The following ZNF891 variants were observed in gnomAD, a reference collection of about 807,000 sequenced individuals.
The protein encoded by ZNF891 is zinc finger protein 891.
For missense variants in ZNF891, 589 were observed against 632.7 expected, an observed-to-expected ratio of 0.93 and a Z score of 0.74; for synonymous variants, 199 against 209.0, an observed-to-expected ratio of 0.95 and a Z score of 0.41.
At position 133,113,956 on chromosome 12, in the gene ZNF891, A is replaced by G. The variant is rs1955701497; in HGVS notation, c.*6328T>C. On this transcript the variant is annotated 3_prime_UTR_variant, in exon 2 of 2. Coordinates refer to ENST00000537226, the MANE Select transcript of ZNF891 (RefSeq NM_001277291.2). ...TGGTTTCAAACTCCTGGGCTCAAGCAATCTACTCACCTCAGCCTCTCAAAG... is the reference window on the plus strand; with the variant it reads ...TGGTTTCAAACTCCTGGGCTCAAGCGATCTACTCACCTCAGCCTCTCAAAG... The G allele has an allele frequency of 6.6e-6, 1 of 151,904 alleles. No individual in the cohort carries two copies. The highest frequency in any genetic ancestry group is 1.5e-5 in the Non-Finnish European group (1 of 68,000). 9.4% of individuals were successfully genotyped at this position (151,904 alleles called of 1,614,324 possible). A position where few individuals can be genotyped will look rare whatever the true frequency, so the allele number is the denominator to read the frequency against.
At position 133,106,786 on chromosome 12, in the gene ZNF891, T is replaced by C; in HGVS notation, c.*13498A>G. The C allele has an allele frequency of 1.3e-6, 1 of 746,978 alleles. No homozygotes were observed. The highest frequency in any genetic ancestry group is 2.0e-6 in the Non-Finnish European group (1 of 507,858). The allele number at this position is 746,978 out of a possible 1,614,324, so 46.3% of individuals were successfully genotyped here. On this transcript the variant is annotated 3_prime_UTR_variant, in exon 2 of 2. Transcript: ENST00000537226. Reference sequence around the variant, plus strand: ...TGAAGTAATATGGCCCACACTTTATTCACCACCCTGGAGAAAAAAAAACCC... The same window carrying C: ...TGAAGTAATATGGCCCACACTTTATCCACCACCCTGGAGAAAAAAAAACCC...
At position 133,113,452 on chromosome 12, in the gene ZNF891, T is replaced by C. The variant is rs927578717; in HGVS notation, c.*6832A>G. ...AAAGTCATACCATATTTTGTGACTG[T>C]TTAAAATTCATAATGTATCAAATAT... On this transcript the variant is annotated 3_prime_UTR_variant, in exon 2 of 2. Transcript: ENST00000537226. The C allele has an allele frequency of 6.6e-6, 1 of 152,290 alleles. No homozygotes were observed. Among genetic ancestry groups the C allele is most frequent in the African/African-American group, 2.4e-5 (1 of 41,560 alleles). 9.4% of individuals were successfully genotyped at this position (152,290 alleles called of 1,614,324 possible). A position where few individuals can be genotyped will look rare whatever the true frequency, so the allele number is the denominator to read the frequency against.
chr12:133,121,950 AGAG>A lies in ZNF891; in HGVS notation c.-35_-33del. 6.7e-7 allele frequency: 1 copy of A among 1,490,690 alleles called. No homozygotes were observed. Among genetic ancestry groups the A allele is most frequent in the Non-Finnish European group, 8.9e-7 (1 of 1,123,734 alleles). 92.3% of individuals were successfully genotyped at this position (1,490,690 alleles called of 1,614,324 possible). ...AGTACATAAGCCTGCACAGTAGAGTAGAGAGATCAGGATGTTTCTGTTCTTGTG... is the reference window on the plus strand; with the variant it reads ...AGTACATAAGCCTGCACAGTAGAGTAAGATCAGGATGTTTCTGTTCTTGTG... On this transcript the variant is annotated 5_prime_UTR_variant, in exon 2 of 2. Transcript: ENST00000537226.
Position 133,110,455 on chromosome 12 carries a change from G to A in ZNF891, c.*9829C>T, listed in dbSNP as rs1187687815. On this transcript the variant is annotated 3_prime_UTR_variant, in exon 2 of 2. Transcript: ENST00000537226. ...ATTGGAAAAAGAAGTTACTATGAAT[G>A]CAGAAAGGCGACAGAACAACAGATG... 3.9e-5 allele frequency: 6 copies of A among 152,160 alleles called. No homozygotes were observed. The highest frequency in any genetic ancestry group is 3.9e-4 in the Admixed American group (6 of 15,280). The allele number at this position is 152,160 out of a possible 1,614,324, so 9.4% of individuals were successfully genotyped here.
chr12:133,120,089 C>T lies in ZNF891; in HGVS notation c.*195G>A, dbSNP rs556184667. 34 of 472,932 alleles carry T rather than the reference C, an allele frequency of 7.2e-5. No homozygotes were observed. Among genetic ancestry groups the T allele is most frequent in the Non-Finnish European group, 1.2e-4 (32 of 270,944 alleles). The allele number at this position is 472,932 out of a possible 1,614,324, so 29.3% of individuals were successfully genotyped here. Reference sequence around the variant, plus strand: ...AAAAAGATAACTGAAAATATACCTACCTCACATATTAAAAATACCTAATTC... The same window carrying T: ...AAAAAGATAACTGAAAATATACCTATCTCACATATTAAAAATACCTAATTC... On this transcript the variant is annotated 3_prime_UTR_variant, in exon 2 of 2. Transcript: ENST00000537226.
In ZNF891 at chr12:133,106,388, T is replaced by C; in HGVS notation, c.*13896A>G. 6.2e-7 allele frequency: 1 copy of C among 1,614,136 alleles called. No individual in the cohort carries two copies. ...TGGTAAAGTTTTCACTTGGCATGCATCCCTTATTCAACATACGAAGAGTCA... is the reference window on the plus strand; with the variant it reads ...TGGTAAAGTTTTCACTTGGCATGCACCCCTTATTCAACATACGAAGAGTCA... On this transcript the variant is annotated 3_prime_UTR_variant, in exon 2 of 2. Transcript: ENST00000537226.
intron 1 of ZNF891, among the ~76,000 whole-genome samples, chr12:133,124,986 C>T (rs1955800583): frequency 6.6e-6 from 1 of 151,796 alleles, no homozygotes. Flanking sequence ...AAAGCAACAA[C>T]AGCATATTCA....
chr12:133,120,886 C>T lies in ZNF891; in HGVS notation c.1033G>A (p.Glu345Lys), dbSNP rs1955751008. 6.5e-7 allele frequency: 1 copy of T among 1,540,376 alleles called. No homozygotes were observed. The highest frequency in any genetic ancestry group is 8.7e-7 in the Non-Finnish European group (1 of 1,147,140). The change falls in exon 2 of 2, where the codon GAG (glutamate) becomes AAG (lysine). Residue 345 changes from glutamate to lysine, a missense_variant. Physicochemically the swap from Glu to Lys is moderately conservative, Grantham distance 56 (BLOSUM62 1). Coordinates refer to ENST00000537226, the MANE Select transcript of ZNF891 (RefSeq NM_001277291.2). ...CATTCTTTACATTCATATTGTTTCT[C>T]ACCCATGTGACTTTTCTTGTATAAA... The part of the protein sequence containing the change: ...LTLYKKSHMG[E>K]KQYECKECGK...
At position 133,107,405 on chromosome 12, in the gene ZNF891, A is replaced by G. The variant is rs1304035462; in HGVS notation, c.*12879T>C. ...TAAGTGAATTCAGAAAATGTTATAAATAAATCTTTTGGTTTATTATAAACC... is the reference window on the plus strand; with the variant it reads ...TAAGTGAATTCAGAAAATGTTATAAGTAAATCTTTTGGTTTATTATAAACC... On this transcript the variant is annotated 3_prime_UTR_variant, in exon 2 of 2. Transcript: ENST00000537226. The G allele has an allele frequency of 6.6e-6, 1 of 152,026 alleles. No individual in the cohort carries two copies. The highest frequency in any genetic ancestry group is 2.4e-5 in the African/African-American group (1 of 41,264). 9.4% of individuals were successfully genotyped at this position (152,026 alleles called of 1,614,324 possible).
rs1356935422 is a variant in ZNF891, at chr12:133,110,575, A to G, written c.*9709T>C. ...TCAAATGCTTTGGGAGACTTAAGATACTCACAAATAGGTAAAGCTGGGTTA... is the reference window on the plus strand; with the variant it reads ...TCAAATGCTTTGGGAGACTTAAGATGCTCACAAATAGGTAAAGCTGGGTTA... On this transcript the variant is annotated 3_prime_UTR_variant, in exon 2 of 2. Coordinates refer to ENST00000537226, the MANE Select transcript of ZNF891 (RefSeq NM_001277291.2). 6.6e-6 allele frequency: 1 copy of G among 152,202 alleles called. No individual in the cohort carries two copies. Among genetic ancestry groups the G allele is most frequent in the African/African-American group, 2.4e-5 (1 of 41,442 alleles). The allele number at this position is 152,202 out of a possible 1,614,324, so 9.4% of individuals were successfully genotyped here.
Position 133,121,660 on chromosome 12 carries a change from A to T in ZNF891, c.259T>A (p.Tyr87Asn), listed in dbSNP as rs1955762298. The T allele has an allele frequency of 1.3e-6, 2 of 1,536,454 alleles. No homozygotes were observed. The highest frequency in any genetic ancestry group is 4.9e-5 in the East Asian group (2 of 40,910). The change falls in exon 2 of 2, where the codon TAC becomes AAC. Residue 87 changes from tyrosine (Y) to asparagine (N), a missense_variant. Physicochemically the swap from Tyr to Asn is moderately radical, Grantham distance 143. Coordinates refer to ENST00000537226, the MANE Select transcript of ZNF891 (RefSeq NM_001277291.2). ...AATGGGGAGATCACAGTAAGCCTGT[A>T]CAACTGATATTCCACGGAGGTGAGA... ...RNLTSVEYQL[Y>N]RLTVISPLDQ...
intron 1 of ZNF891, 185 bp from the exon 2 acceptor site, chr12:133,122,209 G>C: frequency 9.3e-7 from 1 of 1,075,128 alleles, no homozygotes; most frequent in Admixed American, 4.7e-5. Context: ...TTCAAGAAAT[G>C]CCATCCTGAT....
Position 133,112,356 on chromosome 12 carries a change from C to A in ZNF891, c.*7928G>T, listed in dbSNP as rs111800060. 0.29 allele frequency: 44,052 copies of A among 151,666 alleles called. 6,657 individuals are homozygous for A. The highest frequency in any genetic ancestry group is 0.35 in the African/African-American group (14,283 of 41,250). The allele number at this position is 151,666 out of a possible 1,614,324, so 9.4% of individuals were successfully genotyped here. A position where few individuals can be genotyped will look rare whatever the true frequency, so the allele number is the denominator to read the frequency against. ...TTTTTTTTTGAGACACAGTCTTGCT[C>A]TGTCACCCAGGCTGGAGTGCAGTGG... On this transcript the variant is annotated 3_prime_UTR_variant, in exon 2 of 2. Transcript: ENST00000537226.
At position 133,112,073 on chromosome 12, in the gene ZNF891, C is replaced by T. The variant is rs530901438; in HGVS notation, c.*8211G>A. 6.6e-6 allele frequency: 1 copy of T among 152,252 alleles called. No homozygotes were observed. The highest frequency in any genetic ancestry group is 2.4e-5 in the African/African-American group (1 of 41,534). 9.4% of individuals were successfully genotyped at this position (152,252 alleles called of 1,614,324 possible). The stretch of plus-strand genomic sequence containing the variant: ...CATAGCTAGCAAGGTCTTTATCTGG[C>T]CCCTGCCTCCTTTCAATCTGGTTTC... On this transcript the variant is annotated 3_prime_UTR_variant, in exon 2 of 2. Transcript: ENST00000537226.
At position 133,121,890 on chromosome 12, in the gene ZNF891, C is replaced by T. The variant is rs1473880537; in HGVS notation, c.29G>A (p.Trp10Ter). 6.5e-7 allele frequency: 1 copy of T among 1,535,742 alleles called. No homozygotes were observed. Among genetic ancestry groups the T allele is most frequent in the Non-Finnish European group, 8.7e-7 (1 of 1,146,732 alleles). The change falls in exon 2 of 2, where the codon TGG becomes TAG. Residue 10 changes from tryptophan (W) to a stop codon, truncating the protein, a stop_gained. Transcript: ENST00000537226. LOFTEE classifies it low-confidence loss of function (END_TRUNC). Reference sequence around the variant, plus strand: ...GGCAGAGTCCTGTTTAGTTAAAGCCCATGGGGAGGATAGGTCCATAACTGC... The same window carrying T: ...GGCAGAGTCCTGTTTAGTTAAAGCCTATGGGGAGGATAGGTCCATAACTGC... The part of the protein sequence containing the change: MAVMDLSSP[W>*]ALTKQDSACF...
At chr12:133,124,443 T>G (rs1390052820) in intron 1 of ZNF891, among the ~76,000 whole-genome samples, 1 of 151,918 alleles carries the variant, frequency 6.6e-6, no homozygotes, top group African/African-American at 2.4e-5. Context: ...AAGAAGGATA[T>G]ATAAGTCCTT....
Position 133,119,692 on chromosome 12 carries a change from G to A in ZNF891, c.*592C>T, listed in dbSNP as rs1955737167. 6.6e-6 allele frequency: 1 copy of A among 152,364 alleles called. No individual in the cohort carries two copies. 9.4% of individuals were successfully genotyped at this position (152,364 alleles called of 1,614,324 possible). ...CCTTGGCTACAGCTGTCATTTTCAT[G>A]ATCACAAGATAGCTCTTTCAGCAGC... On this transcript the variant is annotated 3_prime_UTR_variant, in exon 2 of 2. Coordinates refer to ENST00000537226, the MANE Select transcript of ZNF891 (RefSeq NM_001277291.2).
At chr12:133,125,571 T>C (rs1593830502) in intron 1 of ZNF891, 1 of 220,152 alleles carries the variant, frequency 4.5e-6, no homozygotes, top group Non-Finnish European at 9.0e-6. Flanking sequence ...TGGTGAAAGG[T>C]ATTCACAGCA....
chr12:133,108,793 T>C lies in ZNF891; in HGVS notation c.*11491A>G, dbSNP rs982646715. 2.6e-5 allele frequency: 4 copies of C among 152,200 alleles called. No individual in the cohort carries two copies. Among genetic ancestry groups the C allele is most frequent in the African/African-American group, 9.6e-5 (4 of 41,452 alleles). The allele number at this position is 152,200 out of a possible 1,614,324, so 9.4% of individuals were successfully genotyped here. A position where few individuals can be genotyped will look rare whatever the true frequency, so the allele number is the denominator to read the frequency against. On this transcript the variant is annotated 3_prime_UTR_variant, in exon 2 of 2. Coordinates refer to ENST00000537226, the MANE Select transcript of ZNF891 (RefSeq NM_001277291.2). The stretch of plus-strand genomic sequence containing the variant: ...CAATACTTAAATTTTAATACTCTTG[T>C]AGGAGAAAAAGCAACTGTATAAATG...
Sources: gnomAD v4.1 joint callset for allele counts (sites outside exome capture counted in the v4.1 genomes callset) on GRCh38, gnomAD v4.1.1 for gene constraint, MANE v1.5 for transcripts, NCBI Gene and HGNC (gene_info 2026-07-23, HGNC 2026-07-21) for gene names.